The following SPECC1 variants were observed in gnomAD, a reference collection of about 807,000 sequenced individuals.
The protein encoded by SPECC1 is cytospin-B.
Under a neutral mutation model 104.1 loss-of-function variants are expected in SPECC1, and 62 were observed. That is an observed-to-expected ratio of 0.60 (90% CI 0.49 to 0.74). The LOEUF (loss-of-function observed/expected upper bound fraction) is 0.74. Ranked by LOEUF, SPECC1 falls within the 30% of genes least tolerant of loss-of-function variation. SPECC1 has a pLI of 0.00. For missense variants in SPECC1, 1,306 were observed against 1,310.5 expected (o/e 1.00, Z 0.05); for synonymous variants, 513 against 501.6 (o/e 1.02, Z -0.30).
intron 3 of SPECC1, among the ~76,000 whole-genome samples, chr17:20,174,927 A>C (rs1022723874): frequency 6.6e-6 from 1 of 152,008 alleles, no homozygotes; most frequent in Admixed American, 6.6e-5. Context: ...ATTTTGGTCA[A>C]AATTTTTTGA....
At chr17:20,240,592 T>A (rs563736270) in intron 7 of SPECC1, among the ~76,000 whole-genome samples, 1 of 152,144 alleles carries the variant, frequency 6.6e-6, no homozygotes, top group South Asian at 2.1e-4. Flanking sequence ...TAATCTGATG[T>A]GAGGTGTGGT....
chr17:20,032,003 G>A (rs1447316858), intron 1 of SPECC1, among the ~76,000 whole-genome samples: 2 of 152,074 alleles, frequency 1.3e-5, no homozygotes, highest in African/African-American at 4.8e-5. Context: ...CAATCCTTTT[G>A]GATGTATATT....
chr17:20,288,066 T>G, intron 12 of SPECC1, among the ~76,000 whole-genome samples: 1 of 152,158 alleles, frequency 6.6e-6, no homozygotes, highest in East Asian at 1.9e-4. Flanking sequence ...TTTCTGTTTC[T>G]GTACTAGTTT....
chr17:20,199,801 A>G (rs777853665), intron 3 of SPECC1, among the ~76,000 whole-genome samples: 1 of 147,238 alleles, frequency 6.8e-6, no homozygotes, highest in Non-Finnish European at 1.5e-5. Context: ...ATTTTATTTT[A>G]TTTTTTGAGA....
intron 1 of SPECC1, among the ~76,000 whole-genome samples, chr17:20,021,685 T>TA (rs1344830163): frequency 8.5e-6 from 1 of 118,244 alleles, no homozygotes; most frequent in South Asian, 2.4e-4. Context: ...AATATAATAA[T>TA]ATATATATAT....
intron 3 of SPECC1, among the ~76,000 whole-genome samples, chr17:20,194,514 T>TTTA (rs1597936967): frequency 1.5e-5 from 2 of 131,048 alleles, no homozygotes; most frequent in East Asian, 5.0e-4. Flanking sequence ...TTTTTTTTTT[T>TTTA]TTTTTTTTTT....
At chr17:20,066,891 C>G (rs2046375107) in intron 1 of SPECC1, among the ~76,000 whole-genome samples, 1 of 150,136 alleles carries the variant, frequency 6.7e-6, no homozygotes, top group Non-Finnish European at 1.5e-5. Context: ...GGTGCCATAC[C>G]ACCACACCTG....
intron 12 of SPECC1, among the ~76,000 whole-genome samples, chr17:20,287,285 C>T (rs936894385): frequency 3.3e-5 from 5 of 151,810 alleles, no homozygotes; most frequent in African/African-American, 4.8e-5. Flanking sequence ...GGCGCGGTGG[C>T]GGGCGCCTGT....
At chr17:20,031,669 C>T (rs1286195058) in intron 1 of SPECC1, among the ~76,000 whole-genome samples, 2 of 152,204 alleles carry the variant, frequency 1.3e-5, no homozygotes, top group African/African-American at 4.8e-5. Flanking sequence ...ACGTTACTCC[C>T]TCCCTCAGCC....
chr17:20,260,309 C>A lies in SPECC1; in HGVS notation c.2940+15C>A. The A allele has an allele frequency of 6.2e-7, 1 of 1,610,448 alleles. No homozygotes were observed. The highest frequency in any genetic ancestry group is 1.1e-5 in the South Asian group (1 of 90,754). Reference sequence around the variant, plus strand: ...AAGGTTATGCGGTAAGGGACAACATCAGCCAACTTCCAGCTGCCCCTGGGC... The same window carrying A: ...AAGGTTATGCGGTAAGGGACAACATAAGCCAACTTCCAGCTGCCCCTGGGC... On this transcript the variant is annotated intron_variant, in intron 12 of 14. Transcript: ENST00000395527.
At chr17:20,299,605 A>G (rs1057181078) in intron 13 of SPECC1, among the ~76,000 whole-genome samples, 1 of 151,854 alleles carries the variant, frequency 6.6e-6, no homozygotes, top group Non-Finnish European at 1.5e-5. Flanking sequence ...CTTCACAGAA[A>G]CATCTAGAAT....
In SPECC1 at chr17:20,314,413, CAAAG is replaced by C. The variant is rs1227251854; in HGVS notation, c.*351_*354del. 3.5e-5 allele frequency: 11 copies of C among 315,536 alleles called. No individual in the cohort carries two copies. The highest frequency in any genetic ancestry group is 1.2e-4 in the Admixed American group (3 of 24,708). The allele number at this position is 315,536 out of a possible 1,614,324, so 19.5% of individuals were successfully genotyped here. A position where few individuals can be genotyped will look rare whatever the true frequency, so the allele number is the denominator to read the frequency against. The stretch of plus-strand genomic sequence containing the variant: ...AACACATTATCTGCAGAAATTCAGA[CAAAG>C]AACATCTCCAAATCAGTCTTTTGGT... On this transcript the variant is annotated 3_prime_UTR_variant, in exon 15 of 15. Coordinates refer to ENST00000395527, the MANE Select transcript of SPECC1 (RefSeq NM_001243439.2).
intron 13 of SPECC1, among the ~76,000 whole-genome samples, chr17:20,298,813 C>T (rs1334672032): frequency 6.6e-6 from 1 of 151,694 alleles, no homozygotes; most frequent in Non-Finnish European, 1.5e-5. Context: ...TCGATTATCC[C>T]ACATCAGGAT....
At chr17:20,170,327 A>T (rs988745102) in intron 3 of SPECC1, among the ~76,000 whole-genome samples, 2 of 152,198 alleles carry the variant, frequency 1.3e-5, no homozygotes, top group African/African-American at 4.8e-5. Flanking sequence ...TGTCCCTTGT[A>T]TTTCCAGGAA....
At chr17:20,089,293 C>T (rs942478461) in intron 1 of SPECC1, among the ~76,000 whole-genome samples, 2 of 152,180 alleles carry the variant, frequency 1.3e-5, no homozygotes, top group South Asian at 2.1e-4. Context: ...AACATGGTGC[C>T]AGTCTCTTAG....
At chr17:20,105,786 C>G (rs780525363) in intron 2 of SPECC1, among the ~76,000 whole-genome samples, 14 of 152,238 alleles carry the variant, frequency 9.2e-5, no homozygotes, top group Non-Finnish European at 1.8e-4. Flanking sequence ...CAGCTGTCAT[C>G]TCACCAAGAC....
chr17:20,313,904 C>A, intron 14 of SPECC1, 72 bp from the exon 15 acceptor site: 2 of 1,427,500 alleles, frequency 1.4e-6, no homozygotes, highest in Non-Finnish European at 1.9e-6. Context: ...CTAACCTGGA[C>A]TGAAGTCCTT....
chr17:20,101,132 G>A (rs923738026), intron 2 of SPECC1, among the ~76,000 whole-genome samples: 1 of 152,164 alleles, frequency 6.6e-6, no homozygotes, highest in Non-Finnish European at 1.5e-5. Flanking sequence ...ACATACATGT[G>A]CATGTGTCTT....
At chr17:20,237,814 C>A (rs1325019040) in intron 7 of SPECC1, 2 of 190,946 alleles carry the variant, frequency 1.0e-5, no homozygotes, top group African/African-American at 4.7e-5. Context: ...GCGATCTTGG[C>A]TCATTGCAAG....
Sources: allele counts gnomAD v4.1 joint callset (sites outside exome capture counted in the v4.1 genomes callset), GRCh38; gene constraint gnomAD v4.1.1; transcripts MANE v1.5; gene names NCBI Gene and HGNC (gene_info 2026-07-23, HGNC 2026-07-21).